The following GALR1 variants were observed in gnomAD, a reference collection of about 807,000 sequenced individuals.
GALR1 encodes galanin receptor 1.
In GALR1, 11 loss-of-function variants were observed where a neutral mutation model predicts 17.9. That is an observed-to-expected ratio of 0.62 (90% confidence interval 0.39 to 1.02). GALR1 has a LOEUF of 1.02. Among genes scored for constraint, GALR1 ranks in the 50% least tolerant of loss-of-function variants. GALR1 has a pLI of 0.01. For synonymous variants in GALR1, 206 were observed against 205.7 expected (o/e 1.00, Z -0.01); for missense variants, 441 against 456.9 (o/e 0.97, Z 0.32).
chr18:77,262,849 A>T (rs1343843149), intron 2 of GALR1, among the ~76,000 whole-genome samples: 3 of 152,244 alleles, frequency 2.0e-5, no homozygotes, highest in South Asian at 2.1e-4. Flanking sequence ...GTAAACCAAG[A>T]AAAAGAACCT....
Position 77,268,903 on chromosome 18 carries a change from T to C in GALR1, c.*1T>C, listed in dbSNP as rs1913004083. The C allele has an allele frequency of 1.2e-6, 2 of 1,603,592 alleles. No individual in the cohort carries two copies. The highest frequency in any genetic ancestry group is 1.1e-5 in the South Asian group (1 of 90,638). On this transcript the variant is annotated 3_prime_UTR_variant, in exon 3 of 3. Coordinates refer to ENST00000299727, the MANE Select transcript of GALR1 (RefSeq NM_001480.4). Reference sequence around the variant, plus strand: ...ATCAACCAATTGTACTCATGTGTGATAAAAGATAGAGTATCCTTATGGTTG... The same window carrying C: ...ATCAACCAATTGTACTCATGTGTGACAAAAGATAGAGTATCCTTATGGTTG...
intron 2 of GALR1, among the ~76,000 whole-genome samples, chr18:77,263,964 G>A (rs1912887991): frequency 6.6e-6 from 1 of 151,558 alleles, no homozygotes; most frequent in East Asian, 1.9e-4. Context: ...GTGAAAACCC[G>A]TCTATACTAA....
intron 2 of GALR1, among the ~76,000 whole-genome samples, chr18:77,261,068 A>G (rs1316289632): frequency 6.6e-6 from 1 of 151,752 alleles, no homozygotes; most frequent in Non-Finnish European, 1.5e-5. Context: ...TCCATTAGAC[A>G]TATTGTGAGT....
intron 2 of GALR1, among the ~76,000 whole-genome samples, chr18:77,264,289 G>C (rs548948869): frequency 3.3e-5 from 5 of 152,248 alleles, no homozygotes; most frequent in South Asian, 2.1e-4. Flanking sequence ...TATGTCCCAA[G>C]GGAAAATCTG....
At position 77,271,523 on chromosome 18, in the gene GALR1, T is replaced by C. The variant is rs1913064891; in HGVS notation, c.*2621T>C. ...AGGAGTGTGTTGCGTTTGCCAAGCA[T>C]CTGCTTCCCAGCTAGATTTCCCCCT... On this transcript the variant is annotated 3_prime_UTR_variant, in exon 3 of 3. Transcript: ENST00000299727. The C allele has an allele frequency of 6.6e-6, 1 of 152,196 alleles. No individual in the cohort carries two copies. The highest frequency in any genetic ancestry group is 1.5e-5 in the Non-Finnish European group (1 of 68,034). 9.4% of individuals were successfully genotyped at this position (152,196 alleles called of 1,614,324 possible).
At chr18:77,265,050 C>G (rs1331562242) in intron 2 of GALR1, among the ~76,000 whole-genome samples, 1 of 152,158 alleles carries the variant, frequency 6.6e-6, no homozygotes, top group African/African-American at 2.4e-5. Flanking sequence ...CCCCCAAAAT[C>G]TTAACTCATT....
intron 2 of GALR1, among the ~76,000 whole-genome samples, chr18:77,266,289 A>G (rs1912943042): frequency 6.6e-6 from 1 of 152,158 alleles, no homozygotes; most frequent in East Asian, 1.9e-4. Context: ...CCTGGACTTC[A>G]TTGTCCATAT....
intron 2 of GALR1, 34 bp from the exon 3 acceptor site, chr18:77,268,551 T>TCCA: frequency 1.5e-6 from 2 of 1,310,960 alleles, no homozygotes; most frequent in Non-Finnish European, 2.1e-6. Context: ...CGCCTCCTCC[T>TCCA]CCTCCTCCTC....
rs1913173446 is a variant in GALR1 at position 77,277,197 on chromosome 18, A to AG, written c.*8295_*8296insG. On this transcript the variant is annotated 3_prime_UTR_variant, in exon 3 of 3. Transcript: ENST00000299727. ...ACATAAGTAGTATGAGTAAGGAAAA[A>AG]AAATCTATGTGTACTGTATTTTTAA... 1 of 152,200 alleles carries AG rather than the reference A, an allele frequency of 6.6e-6. No individual in the cohort carries two copies. The highest frequency in any genetic ancestry group is 1.5e-5 in the Non-Finnish European group (1 of 68,032). The allele number at this position is 152,200 out of a possible 1,614,324, so 9.4% of individuals were successfully genotyped here.
At chr18:77,267,153 A>G (rs916016968) in intron 2 of GALR1, among the ~76,000 whole-genome samples, 1 of 152,178 alleles carries the variant, frequency 6.6e-6, no homozygotes, top group African/African-American at 2.4e-5. Context: ...CTGGGGAAGC[A>G]CTCTGTCCCT....
intron 2 of GALR1, among the ~76,000 whole-genome samples, chr18:77,262,066 G>A (rs963623047): frequency 3.9e-5 from 6 of 152,192 alleles, no homozygotes; most frequent in South Asian, 2.1e-4. Context: ...GACCTCAAGC[G>A]ATCCTCCTGC....
At chr18:77,252,872 C>CCACCACCATCACCACCACCACCAT (rs1912456709) in intron 1 of GALR1, among the ~76,000 whole-genome samples, 5 of 76,406 alleles carry the variant, frequency 6.5e-5, no homozygotes, top group East Asian at 7.6e-4. Flanking sequence ...ACCACCACCA[C>CCACCACCATCACCACCACCACCAT]CACCACCATC....
chr18:77,250,595 C>T lies in GALR1; in HGVS notation c.47C>T (p.Pro16Leu), dbSNP rs577285257. ...CTCAGCGAGGGCAACGCGAGCTGGC[C>T]GGAGCCCCCCGCCCCGGAGCCCGGG... Reference protein sequence around the residue: ...GNLSEGNASWPEPPAPEPGPL... With the variant: ...GNLSEGNASWLEPPAPEPGPL... The change falls in exon 1 of 3, where the codon CCG becomes CTG. Residue 16 changes from proline (P) to leucine (L), a missense_variant. Pro to Leu is a moderately conservative substitution (Grantham distance 98). Coordinates refer to ENST00000299727, the MANE Select transcript of GALR1 (RefSeq NM_001480.4). 1.3e-4 allele frequency: 208 copies of T among 1,552,206 alleles called. 1 individual carries two copies. The South Asian group carries it at 1.4e-3, about 10-fold the overall frequency.
In GALR1 at chr18:77,273,701, G is replaced by A. The variant is rs1159226981; in HGVS notation, c.*4799G>A. 1.3e-5 allele frequency: 2 copies of A among 151,914 alleles called. No individual in the cohort carries two copies. The highest frequency in any genetic ancestry group is 2.9e-5 in the Non-Finnish European group (2 of 67,968). 9.4% of individuals were successfully genotyped at this position (151,914 alleles called of 1,614,324 possible). ...GAGGGTTTTATCTTTGTATTCACTG[G>A]AAATAACCTCAGCTGAATTTTCTCT... On this transcript the variant is annotated 3_prime_UTR_variant, in exon 3 of 3. Transcript: ENST00000299727.
At chr18:77,258,899 G>C (rs1336507701) in intron 2 of GALR1, among the ~76,000 whole-genome samples, 2 of 143,898 alleles carry the variant, frequency 1.4e-5, no homozygotes, top group African/African-American at 5.1e-5. Flanking sequence ...AGTGGTGATG[G>C]TGGTGGGCGG....
rs1417061769 is a variant in GALR1, at chr18:77,258,824, G to A, written c.732+2601G>A. ...GGTGGTGGTGGTCATAGTGGTGGTG[G>A]TGCTGGTGATGGTGGTGATGGTGGT... On this transcript the variant is annotated intron_variant, in intron 2 of 2. Transcript: ENST00000299727. 4.5e-4 allele frequency among the ~76,000 whole-genome samples: 49 copies of A among 108,396 alleles called. 2 individuals are homozygous for A. The highest frequency in any genetic ancestry group is 1.7e-3 in the African/African-American group (45 of 25,832). 71.1% of individuals were successfully genotyped at this position (108,396 alleles called of 152,430 possible).
rs762662515 is a variant in GALR1 at position 77,270,604 on chromosome 18, C to G, written c.*1702C>G. 1 of 150,920 alleles carries G rather than the reference C, an allele frequency of 6.6e-6. No individual in the cohort carries two copies. The highest frequency in any genetic ancestry group is 1.5e-5 in the Non-Finnish European group (1 of 67,790). The allele number at this position is 150,920 out of a possible 1,614,324, so 9.3% of individuals were successfully genotyped here. On this transcript the variant is annotated 3_prime_UTR_variant, in exon 3 of 3. Coordinates refer to ENST00000299727, the MANE Select transcript of GALR1 (RefSeq NM_001480.4). ...CAAATCAGCACTCCACATGAAACAT[C>G]AAATTTTAGATAAAAATGCAAACTT...
chr18:77,259,433 T>C (rs903066866), intron 2 of GALR1, among the ~76,000 whole-genome samples: 1 of 151,248 alleles, frequency 6.6e-6, no homozygotes, highest in South Asian at 2.1e-4. Flanking sequence ...ATGGTCATGG[T>C]GGTGATGATG....
rs1038434814 is a variant in GALR1 at position 77,274,227 on chromosome 18, G to A, written c.*5325G>A. 1 of 152,040 alleles carries A rather than the reference G, an allele frequency of 6.6e-6. No homozygotes were observed. The highest frequency in any genetic ancestry group is 2.4e-5 in the African/African-American group (1 of 41,394). 9.4% of individuals were successfully genotyped at this position (152,040 alleles called of 1,614,324 possible). A position where few individuals can be genotyped will look rare whatever the true frequency, so the allele number is the denominator to read the frequency against. On this transcript the variant is annotated 3_prime_UTR_variant, in exon 3 of 3. Coordinates refer to ENST00000299727, the MANE Select transcript of GALR1 (RefSeq NM_001480.4). ...CAATCTAGCCAAGGTGTCACATAAT[G>A]GAGAAAAATGCAGATGGTCCTGTGG...
Sources: gnomAD v4.1 joint callset for allele counts (sites outside exome capture counted in the v4.1 genomes callset) on GRCh38, gnomAD v4.1.1 for gene constraint, MANE v1.5 for transcripts, NCBI Gene and HGNC (gene_info 2026-07-23, HGNC 2026-07-21) for gene names.